Variants in C8orf88 observed in about 807,000 individuals in gnomAD.
C8orf88 encodes uncharacterized protein C8orf88.
C8orf88 carries 14 observed loss-of-function variants against 18.4 expected under a neutral mutation model. That is an observed-to-expected ratio of 0.76 (90% CI 0.50 to 1.19). C8orf88 has a LOEUF of 1.19. Ranked by LOEUF, C8orf88 falls within the 50% of genes most tolerant of loss-of-function variation. The pLI, the probability that C8orf88 is intolerant of heterozygous loss-of-function variation, is 0.00. For missense variants in C8orf88, 116 were observed against 134.7 expected (o/e 0.86, Z 0.69); for synonymous variants, 45 against 42.9 (o/e 1.05, Z -0.19).
At chr8:90,983,348 C>T (rs533009239) in intron 1 of C8orf88, among the ~76,000 whole-genome samples, 1 of 151,778 alleles carries the variant, frequency 6.6e-6, no homozygotes. Context: ...CAAGATCACA[C>T]ACACTTAACA....
chr8:90,979,825 G>A lies in C8orf88; in HGVS notation c.73+538C>T, dbSNP rs115605671. ...ATTTCTCCAAAAGAATAGCTTCATG[G>A]GCAAAAGAAAAACATTTTAGAATGT... On this transcript the variant is annotated intron_variant, in intron 2 of 5. Transcript: ENST00000517562. 2.2e-3 allele frequency among the ~76,000 whole-genome samples: 329 copies of A among 152,178 alleles called. 1 individual carries two copies. Among genetic ancestry groups the A allele is most frequent in the African/African-American group, 7.5e-3 (312 of 41,516 alleles).
chr8:90,961,838 G>A (rs1811132847), intron 4 of C8orf88, among the ~76,000 whole-genome samples: 2 of 151,396 alleles, frequency 1.3e-5, no homozygotes, highest in African/African-American at 4.8e-5. Flanking sequence ...AACAGGAATT[G>A]GTCTGTAAAC....
At chr8:90,959,921 T>A (rs946220067) in intron 5 of C8orf88, among the ~76,000 whole-genome samples, 2 of 151,432 alleles carry the variant, frequency 1.3e-5, no homozygotes, top group African/African-American at 4.8e-5. Context: ...ACTAAAAGCA[T>A]AATGAGAGAA....
chr8:90,979,068 T>C (rs1156852595), intron 2 of C8orf88, among the ~76,000 whole-genome samples: 6 of 152,198 alleles, frequency 3.9e-5, no homozygotes, highest in African/African-American at 1.4e-4. Flanking sequence ...AGATCTGAGA[T>C]GGCCAGGGAG....
At chr8:90,961,711 CT>C (rs1207485570) in intron 4 of C8orf88, among the ~76,000 whole-genome samples, 3 of 151,104 alleles carry the variant, frequency 2.0e-5, no homozygotes, top group East Asian at 1.9e-4. Flanking sequence ...TAACAGATTC[CT>C]TTTTTTCTCT....
rs978512448 is a variant in C8orf88 at position 90,978,599 on chromosome 8, T to C, written c.127A>G (p.Ile43Val). Residue 43 changes from isoleucine to valine, a missense_variant, in exon 3 of 6, where the codon ATA (isoleucine) becomes GTA (valine). Transcript: ENST00000517562. The part of the protein sequence containing the change: ...QNEYPCNTQC[I>V]QSGVSRCKTN... ...CTTACTCTGCTAACTCCACTTTGTA[T>C]GCACTGAGTGTTGCATGGATATTCG... The C allele has an allele frequency of 3.3e-6, 5 of 1,529,182 alleles. No individual in the cohort carries two copies. Among genetic ancestry groups the C allele is most frequent in the Non-Finnish European group, 4.4e-6 (5 of 1,143,264 alleles). 94.7% of individuals were successfully genotyped at this position (1,529,182 alleles called of 1,614,324 possible).
rs145051384 is a variant in C8orf88 at position 90,966,005 on chromosome 8, A to AT, written c.223+5060dup. 4.1e-4 allele frequency among the ~76,000 whole-genome samples: 63 copies of AT among 151,920 alleles called. No individual in the cohort carries two copies. The East Asian group carries it at 0.01, about 25-fold the overall frequency. ...AAACTAAATCAAATACTAGAAAAAA[A>AT]TGAACTAAATAATAAAGATCAGAGT... is the stretch of plus-strand genomic sequence containing the variant. On this transcript the variant is annotated intron_variant, in intron 4 of 5. Coordinates refer to ENST00000517562, the MANE Select transcript of C8orf88 (RefSeq NM_001190972.2).
chr8:90,973,084 A>T (rs1490290594), intron 3 of C8orf88, among the ~76,000 whole-genome samples: 1 of 152,156 alleles, frequency 6.6e-6, no homozygotes, highest in Non-Finnish European at 1.5e-5. Flanking sequence ...TCAGAGACTC[A>T]CAAACTAAAA....
chr8:90,971,812 C>T (rs561350572), intron 3 of C8orf88, among the ~76,000 whole-genome samples: 60 of 152,120 alleles, frequency 3.9e-4, no homozygotes, highest in African/African-American at 1.3e-3. Flanking sequence ...ATCCCATGCT[C>T]ACCAAGACAT....
chr8:90,973,949 A>T (rs1340968907), intron 3 of C8orf88, among the ~76,000 whole-genome samples: 1 of 152,152 alleles, frequency 6.6e-6, no homozygotes, highest in East Asian at 1.9e-4. Context: ...CAAAAGACAA[A>T]AGGTAAACAG....
At chr8:90,969,338 T>C (rs1811251489) in intron 4 of C8orf88, among the ~76,000 whole-genome samples, 1 of 151,804 alleles carries the variant, frequency 6.6e-6, no homozygotes, top group Non-Finnish European at 1.5e-5. Flanking sequence ...CTTGAAAACC[T>C]TATGGAAAGT....
At position 90,980,395 on chromosome 8, in the gene C8orf88, G is replaced by T. The variant is rs775887682; in HGVS notation, c.41C>A (p.Ala14Glu). Reference protein sequence around the residue: ...KKLIGKPLQPARPVRHLTSPP... With the variant: ...KKLIGKPLQPERPVRHLTSPP... Reference sequence around the variant, plus strand: ...AGAAGTCAGATGACGAACAGGTCTTGCTGGTTGAAGCGGTTTACCAATTAA... The same window carrying T: ...AGAAGTCAGATGACGAACAGGTCTTTCTGGTTGAAGCGGTTTACCAATTAA... Residue 14 changes from alanine to glutamate, a missense_variant, in exon 2 of 6, where the codon GCA becomes GAA. Physicochemically the swap from Ala to Glu is moderately radical, Grantham distance 107. Transcript: ENST00000517562. 2.0e-6 allele frequency: 3 copies of T among 1,533,664 alleles called. No individual in the cohort carries two copies. Among genetic ancestry groups the T allele is most frequent in the South Asian group, 2.4e-5 (2 of 83,538 alleles).
intron 3 of C8orf88, 65 bp downstream of exon 3, chr8:90,978,514 G>T: frequency 1.1e-6 from 1 of 938,964 alleles, no homozygotes; most frequent in Non-Finnish European, 1.6e-6. Flanking sequence ...GCACACAATA[G>T]CCATCTAACA....
At position 90,981,907 on chromosome 8, in the gene C8orf88, A is replaced by G. The variant is rs143995125; in HGVS notation, c.-26-1446T>C. On this transcript the variant is annotated intron_variant, in intron 1 of 5. Transcript: ENST00000517562. Reference sequence around the variant, plus strand: ...TAATTGTAACCATATGATATTAAGCAAATCATAAGTCTAAGTGCCTATTTC... The same window carrying G: ...TAATTGTAACCATATGATATTAAGCGAATCATAAGTCTAAGTGCCTATTTC... 1.7e-3 allele frequency among the ~76,000 whole-genome samples: 260 copies of G among 152,288 alleles called. 1 individual carries two copies. Among genetic ancestry groups the G allele is most frequent in the African/African-American group, 6.1e-3 (253 of 41,574 alleles).
At chr8:90,961,077 T>A (rs1363608161) in intron 4 of C8orf88, among the ~76,000 whole-genome samples, 1 of 151,338 alleles carries the variant, frequency 6.6e-6, no homozygotes, top group Non-Finnish European at 1.5e-5. Context: ...AGAAATATAA[T>A]TAAGAAAATG....
At chr8:90,979,842 T>A (rs1811406308) in intron 2 of C8orf88, among the ~76,000 whole-genome samples, 1 of 152,186 alleles carries the variant, frequency 6.6e-6, no homozygotes, top group African/African-American at 2.4e-5. Context: ...GAAAAACATT[T>A]TAGAATGTTT....
chr8:90,979,145 C>G (rs888297930), intron 2 of C8orf88, among the ~76,000 whole-genome samples: 2 of 152,148 alleles, frequency 1.3e-5, no homozygotes, highest in Non-Finnish European at 2.9e-5. Flanking sequence ...CCTAATAATT[C>G]CCTACTCTGC....
At chr8:90,982,183 T>C (rs1350584762) in intron 1 of C8orf88, among the ~76,000 whole-genome samples, 1 of 152,052 alleles carries the variant, frequency 6.6e-6, no homozygotes, top group African/African-American at 2.4e-5. Flanking sequence ...GCAAAACTAA[T>C]GCTCTCTGTA....
At chr8:90,963,825 A>C (rs1338531488) in intron 4 of C8orf88, among the ~76,000 whole-genome samples, 1 of 151,728 alleles carries the variant, frequency 6.6e-6, no homozygotes, top group African/African-American at 2.4e-5. Flanking sequence ...CTTATGGATT[A>C]CCATCAAGCA....
Sources: gnomAD v4.1 joint callset for allele counts (sites outside exome capture counted in the v4.1 genomes callset) on GRCh38, gnomAD v4.1.1 for gene constraint, MANE v1.5 for transcripts, NCBI Gene and HGNC (gene_info 2026-07-23, HGNC 2026-07-21) for gene names.